The following OSBPL5 variants were observed in gnomAD, a reference collection of about 807,000 sequenced individuals.
OSBPL5 encodes the protein oxysterol binding protein like 5.
A neutral mutation model predicts 111.2 loss-of-function variants in OSBPL5; 71 were observed. The observed-to-expected ratio is 0.64, with a 90% CI of 0.53 to 0.78. The LOEUF (loss-of-function observed/expected upper bound fraction) is 0.78. OSBPL5 is among the 30% of genes least tolerant of loss of function. The pLI, the probability that OSBPL5 is intolerant of heterozygous loss-of-function variation, is 0.00. For missense variants in OSBPL5, 1,210 were observed against 1,189.3 expected (o/e 1.02, Z -0.26); for synonymous variants, 549 against 513.9 (o/e 1.07, Z -0.93).
chr11:3,133,137 C>G (rs1845858296), intron 1 of OSBPL5, among the ~76,000 whole-genome samples: 1 of 152,246 alleles, frequency 6.6e-6, no homozygotes. Context: ...ATCTGCCACT[C>G]CAGGCGTTGC....
Position 3,121,884 on chromosome 11 carries a change from A to G in OSBPL5, c.402+113T>C, listed in dbSNP as rs2134457840. ...AGCAGAGGCTGCAGTGATAACGGCT[A>G]GATGCAGGGAAGTGAATTTCCATCG... On this transcript the variant is annotated intron_variant, in intron 5 of 21. Coordinates refer to ENST00000263650, the MANE Select transcript of OSBPL5 (RefSeq NM_020896.4). This position sits in a 1 kb window ranked among gnomAD's most constrained non-coding sequence, Gnocchi z 4.3. 2 of 886,396 alleles carry G rather than the reference A, an allele frequency of 2.3e-6. No individual in the cohort carries two copies. Among genetic ancestry groups the G allele is most frequent in the South Asian group, 3.1e-5 (2 of 64,886 alleles). The allele number at this position is 886,396 out of a possible 1,614,324, so 54.9% of individuals were successfully genotyped here. A position where few individuals can be genotyped will look rare whatever the true frequency, so the allele number is the denominator to read the frequency against.
chr11:3,108,707 G>A (rs1282281424), intron 7 of OSBPL5, among the ~76,000 whole-genome samples: 2 of 152,336 alleles, frequency 1.3e-5, no homozygotes, highest in Non-Finnish European at 2.9e-5. Context: ...TGATAACAGC[G>A]GCCCCCGCAC....
Position 3,101,694 on chromosome 11 carries a change from G to C in OSBPL5, c.1431C>G (p.Ser477=), listed in dbSNP as rs780183372. Residue 477 remains serine (S), a synonymous_variant, in exon 13 of 22, where the codon TCC becomes TCG. Coordinates refer to ENST00000263650, the MANE Select transcript of OSBPL5 (RefSeq NM_020896.4). ...SRTFYIAEQV[S]HHPPVSAFHV... The stretch of plus-strand genomic sequence containing the variant: ...GGAAGGCAGACACGGGCGGGTGGTG[G>C]GACACCTGCGTGCAGGGAGGCGGCT... 4 of 1,613,174 alleles carry C rather than the reference G, an allele frequency of 2.5e-6. No individual in the cohort carries two copies. The African/African-American group carries it at 4.0e-5, about 16-fold the overall frequency.
At position 3,092,410 on chromosome 11, in the gene OSBPL5, G is replaced by T; in HGVS notation, c.2259+22C>A. 1 of 1,561,524 alleles carries T rather than the reference G, an allele frequency of 6.4e-7. No individual in the cohort carries two copies. The highest frequency in any genetic ancestry group is 1.2e-5 in the South Asian group (1 of 85,014). On this transcript the variant is annotated intron_variant, in intron 19 of 21. Coordinates refer to ENST00000263650, the MANE Select transcript of OSBPL5 (RefSeq NM_020896.4). The surrounding 1 kb of genome is among the most constrained non-coding windows in gnomAD (Gnocchi z 5.4). ...CACGTGCAGCTAAGACCAGCCCTGGGTGGGGCCTGTGGGGTGCTGACCTCG... is the reference window on the plus strand; with the variant it reads ...CACGTGCAGCTAAGACCAGCCCTGGTTGGGGCCTGTGGGGTGCTGACCTCG...
At chr11:3,157,752 C>A in intron 1 of OSBPL5, among the ~76,000 whole-genome samples, 1 of 152,352 alleles carries the variant, frequency 6.6e-6, no homozygotes, top group South Asian at 2.1e-4. Flanking sequence ...GAGAAACTGG[C>A]CCAGCCTGCT....
chr11:3,164,866 G>A (rs1250827922), intron 1 of OSBPL5, among the ~76,000 whole-genome samples: 2 of 152,222 alleles, frequency 1.3e-5, no homozygotes. Flanking sequence ...CTTCCCTGGC[G>A]GTCCCGGCTC....
intron 14 of OSBPL5, among the ~76,000 whole-genome samples, chr11:3,098,495 A>ATTTTTTTTTTTTTTTTTTTTT (rs552382553): frequency 1.2e-5 from 1 of 81,202 alleles, no homozygotes; most frequent in Non-Finnish European, 2.2e-5. Flanking sequence ...ACATGAAGGA[A>ATTTTTTTTTTTTTTTTTTTTT]TTTTTTTTTT....
In OSBPL5 at chr11:3,120,847, G is replaced by A. The variant is rs138067175; in HGVS notation, c.403-223C>T. 5.3e-5 allele frequency among the ~76,000 whole-genome samples: 8 copies of A among 152,340 alleles called. No individual in the cohort carries two copies. The East Asian group carries it at 5.8e-4, about 11-fold the overall frequency. On this transcript the variant is annotated intron_variant, in intron 5 of 21. Coordinates refer to ENST00000263650, the MANE Select transcript of OSBPL5 (RefSeq NM_020896.4). ...TGTACCCGAGCAGGGGCCAAGCCACGGCAAGCGGTGCCCCAGGACTCAGAG... is the reference window on the plus strand; with the variant it reads ...TGTACCCGAGCAGGGGCCAAGCCACAGCAAGCGGTGCCCCAGGACTCAGAG...
Position 3,092,443 on chromosome 11 carries a change from GCCCTGGGCTGCC to G in OSBPL5, c.2236_2247del (p.Gly746_Gly749del), listed in dbSNP as rs1453067629. ...TGTGGGGTGCTGACCTCGTGCCTGG[GCCCTGGGCTGCC>G]CAGGAAGGTGGTCTGGCGGGCCACG... On this transcript the variant is annotated inframe_deletion, in exon 19 of 22. Coordinates refer to ENST00000263650, the MANE Select transcript of OSBPL5 (RefSeq NM_020896.4). This position sits in a 1 kb window ranked among gnomAD's most constrained non-coding sequence, Gnocchi z 5.4. The G allele has an allele frequency of 1.3e-6, 2 of 1,580,402 alleles. No homozygotes were observed. The highest frequency in any genetic ancestry group is 1.7e-6 in the Non-Finnish European group (2 of 1,163,594).
chr11:3,138,501 T>C (rs1846013202), intron 1 of OSBPL5, among the ~76,000 whole-genome samples: 2 of 152,176 alleles, frequency 1.3e-5, no homozygotes, highest in Admixed American at 6.5e-5. Flanking sequence ...CCTGCTGGGA[T>C]TGTGGACGCA....
chr11:3,090,193 C>T (rs181673014), intron 20 of OSBPL5, among the ~76,000 whole-genome samples: 13 of 152,354 alleles, frequency 8.5e-5, no homozygotes, highest in Admixed American at 2.0e-4. Context: ...GTGGCCAAGG[C>T]AAGGCCCATC....
intron 10 of OSBPL5, among the ~76,000 whole-genome samples, 180 bp from the exon 11 acceptor site, chr11:3,103,500 C>T (rs1278887443): frequency 6.6e-6 from 1 of 152,204 alleles, no homozygotes; most frequent in Non-Finnish European, 1.5e-5. Context: ...GTGGGTTCTT[C>T]TAATCAGAAA....
chr11:3,106,418 C>T lies in OSBPL5; in HGVS notation c.1059+845G>A, dbSNP rs1426158834. On this transcript the variant is annotated intron_variant, in intron 9 of 21. Transcript: ENST00000263650. This position sits in a 1 kb window ranked among gnomAD's most constrained non-coding sequence, Gnocchi z 8.4. ...GACAGCCCCCACCCCAGAGCGCAGC[C>T]CCCACCCCAGAGCCCGGCTTCCTCA... Among the ~76,000 whole-genome samples the T allele has an allele frequency of 5.3e-5, 8 of 151,704 alleles. No homozygotes were observed. Among genetic ancestry groups the T allele is most frequent in the African/African-American group, 1.9e-4 (8 of 41,156 alleles).
intron 7 of OSBPL5, among the ~76,000 whole-genome samples, chr11:3,112,882 A>C (rs1349647703): frequency 6.6e-6 from 1 of 152,180 alleles, no homozygotes; most frequent in Admixed American, 6.5e-5. Flanking sequence ...TTAATATGCA[A>C]ATTTAAGGCT....
At position 3,092,294 on chromosome 11, in the gene OSBPL5, G is replaced by T; in HGVS notation, c.2259+138C>A. The T allele has an allele frequency of 8.1e-7, 1 of 1,228,214 alleles. No homozygotes were observed. Among genetic ancestry groups the T allele is most frequent in the Non-Finnish European group, 1.1e-6 (1 of 917,316 alleles). The allele number at this position is 1,228,214 out of a possible 1,614,324, so 76.1% of individuals were successfully genotyped here. On this transcript the variant is annotated intron_variant, in intron 19 of 21. Transcript: ENST00000263650. This position sits in a 1 kb window ranked among gnomAD's most constrained non-coding sequence, Gnocchi z 5.4. Reference sequence around the variant, plus strand: ...GTCCCATGCTCGGCAGAGAAGGAAAGGGGACGAGGGGGCTGGGGGATGAGG... The same window carrying T: ...GTCCCATGCTCGGCAGAGAAGGAAATGGGACGAGGGGGCTGGGGGATGAGG...
intron 14 of OSBPL5, 87 bp from the exon 15 acceptor site, chr11:3,094,421 C>T: frequency 9.8e-7 from 1 of 1,017,520 alleles, no homozygotes; most frequent in Non-Finnish European, 1.5e-6. Flanking sequence ...CAGCACCGAT[C>T]CCTGAGTCCC....
In OSBPL5 at chr11:3,107,992, T is replaced by C; in HGVS notation, c.692-47A>G. 2 of 1,578,618 alleles carry C rather than the reference T, an allele frequency of 1.3e-6. No individual in the cohort carries two copies. The highest frequency in any genetic ancestry group is 1.1e-5 in the South Asian group (1 of 89,154). ...CATGCCCCACCCCCACCTCTGTATA[T>C]CCCGCATCCCCCAAGGGGCCACCAG... On this transcript the variant is annotated intron_variant, in intron 7 of 21. Transcript: ENST00000263650. The surrounding 1 kb of genome is among the most constrained non-coding windows in gnomAD (Gnocchi z 6.1).
rs936585174 is a variant in OSBPL5, at chr11:3,107,559, G to C, written c.867-104C>G. 4.2e-6 allele frequency: 6 copies of C among 1,419,490 alleles called. No individual in the cohort carries two copies. The highest frequency in any genetic ancestry group is 5.8e-6 in the Non-Finnish European group (6 of 1,026,842). The allele number at this position is 1,419,490 out of a possible 1,614,324, so 87.9% of individuals were successfully genotyped here. On this transcript the variant is annotated intron_variant, in intron 8 of 21. Transcript: ENST00000263650. This position sits in a 1 kb window ranked among gnomAD's most constrained non-coding sequence, Gnocchi z 6.1. Reference sequence around the variant, plus strand: ...TGCTCCGCACTTCACATACGTTCCTGCCTGTCGTCACCTCCACAACCCACA... The same window carrying C: ...TGCTCCGCACTTCACATACGTTCCTCCCTGTCGTCACCTCCACAACCCACA...
intron 7 of OSBPL5, among the ~76,000 whole-genome samples, chr11:3,114,462 A>C (rs1241901714): frequency 1.3e-5 from 2 of 151,992 alleles, no homozygotes; most frequent in Middle Eastern, 3.4e-3. Context: ...CAATAAGAGG[A>C]TCTATTAAAA....
Sources: allele counts gnomAD v4.1 joint callset (sites outside exome capture counted in the v4.1 genomes callset), GRCh38; gene constraint gnomAD v4.1.1; non-coding constraint Gnocchi (gnomAD v3.1); transcripts MANE v1.5; gene names NCBI Gene and HGNC (gene_info 2026-07-23, HGNC 2026-07-21).